The following ALG1L2 variants were observed in gnomAD, a reference collection of about 807,000 sequenced individuals.
ALG1L2 encodes the protein putative glycosyltransferase ALG1L2.
A neutral mutation model predicts 29.0 loss-of-function variants in ALG1L2; 32 were observed. The ratio of observed to expected loss-of-function variants is 1.10; its 90% confidence interval spans 0.83 to 1.48. The LOEUF (loss-of-function observed/expected upper bound fraction) is 1.48, where lower values mean the gene tolerates loss of function less well. Among genes scored for constraint, ALG1L2 ranks in the 40% most tolerant of loss-of-function variants. The probability of loss-of-function intolerance (pLI) is 0.00; values close to 1 mark genes in which losing one functional copy is unlikely to be tolerated. For synonymous variants in ALG1L2, 110 were observed against 109.5 expected (o/e 1.00, Z -0.03); for missense variants, 318 against 274.1 (o/e 1.16, Z -1.13).
At chr3:130,097,104 C>A (rs1935156607) in intron 6 of ALG1L2, 71 bp from the exon 7 acceptor site, 6 of 1,587,520 alleles carry the variant, frequency 3.8e-6, no homozygotes, top group South Asian at 1.1e-5. Flanking sequence ...TGGGTGGGAG[C>A]CCAGCTGGGC....
At chr3:130,098,021 G>T (rs1438413134) in intron 7 of ALG1L2, among the ~76,000 whole-genome samples, 1 of 152,098 alleles carries the variant, frequency 6.6e-6, no homozygotes, top group Admixed American at 6.5e-5. Flanking sequence ...CACCAAGTGT[G>T]GGAAAGTGGG....
Position 130,094,621 on chromosome 3 carries a change from G to A in ALG1L2, c.424+108G>A, listed in dbSNP as rs1011823758. Reference sequence around the variant, plus strand: ...AAAGGTGGCTCTGGAGGCCACTTGGGGACAGGACCTGGGCTCTAGCTGAAC... The same window carrying A: ...AAAGGTGGCTCTGGAGGCCACTTGGAGACAGGACCTGGGCTCTAGCTGAAC... On this transcript the variant is annotated intron_variant, in intron 5 of 7. Transcript: ENST00000425059. 8.1e-6 allele frequency: 10 copies of A among 1,235,736 alleles called. No individual in the cohort carries two copies. In the Admixed American group the frequency reaches 2.2e-4, roughly 27 times the overall value. 76.5% of individuals were successfully genotyped at this position (1,235,736 alleles called of 1,614,324 possible). A position where few individuals can be genotyped will look rare whatever the true frequency, so the allele number is the denominator to read the frequency against.
rs149264298 is a variant in ALG1L2 at position 130,093,528 on chromosome 3, G to A, written c.313+368G>A. 0.012 allele frequency among the ~76,000 whole-genome samples: 1,876 copies of A among 150,324 alleles called. 130 individuals are homozygous for A. The East Asian group carries it at 0.19, about 15-fold the overall frequency. ...TGCAACCTCTGCCTCTCACATTCAAGCAATTCTCATGCCTCAGCCTCCAGA... is the reference window on the plus strand; with the variant it reads ...TGCAACCTCTGCCTCTCACATTCAAACAATTCTCATGCCTCAGCCTCCAGA... On this transcript the variant is annotated intron_variant, in intron 4 of 7. Coordinates refer to ENST00000425059, the MANE Select transcript of ALG1L2 (RefSeq NM_001136152.1).
At chr3:130,089,967 T>C (rs570604358) in intron 1 of ALG1L2, among the ~76,000 whole-genome samples, 68 of 152,408 alleles carry the variant, frequency 4.5e-4, no homozygotes, top group Non-Finnish European at 7.6e-4. Flanking sequence ...GCTTGATTCC[T>C]GGAGGCAGAA....
intron 4 of ALG1L2, 148 bp downstream of exon 4, chr3:130,093,308 G>C: frequency 1.1e-6 from 1 of 895,308 alleles, no homozygotes; most frequent in East Asian, 2.7e-5. Context: ...CTTGACATGC[G>C]GGAAACTGAG....
intron 3 of ALG1L2, among the ~76,000 whole-genome samples, chr3:130,092,763 G>C (rs1211773983): frequency 2.0e-5 from 3 of 152,164 alleles, no homozygotes; most frequent in Non-Finnish European, 4.4e-5. Flanking sequence ...GGGCATGGTG[G>C]CTCACACCTG....
chr3:130,087,438 C>T (rs1251298646), intron 1 of ALG1L2, among the ~76,000 whole-genome samples: 2 of 150,130 alleles, frequency 1.3e-5, no homozygotes, highest in Non-Finnish European at 3.0e-5. Flanking sequence ...AATGCATGAT[C>T]TGGGATGATC....
intron 4 of ALG1L2, 63 bp downstream of exon 4, chr3:130,093,223 G>A: frequency 3.9e-6 from 6 of 1,552,158 alleles, no homozygotes; most frequent in Non-Finnish European, 5.3e-6. Context: ...GGGGCACACA[G>A]CCTTTACCCT....
At chr3:130,091,721 G>T (rs1451132512) in intron 2 of ALG1L2, 19 of 560,252 alleles carry the variant, frequency 3.4e-5, no homozygotes, top group Non-Finnish European at 6.6e-6. Flanking sequence ...GGACCTGTGT[G>T]TCCCCTGGGG....
At chr3:130,091,849 G>A in intron 2 of ALG1L2, 1 of 722,902 alleles carries the variant, frequency 1.4e-6, no homozygotes, top group South Asian at 1.5e-5. Context: ...GGGTCCAGGG[G>A]ATGACAAGAC....
chr3:130,086,258 A>C (rs978462978), intron 1 of ALG1L2, among the ~76,000 whole-genome samples: 2 of 151,160 alleles, frequency 1.3e-5, no homozygotes, highest in Admixed American at 6.6e-5. Flanking sequence ...GGAAGCATCA[A>C]ATGGGTTCTG....
At chr3:130,095,969 G>T (rs995591076) in intron 5 of ALG1L2, 80 bp from the exon 6 acceptor site, 295 of 1,449,664 alleles carry the variant, frequency 2.0e-4, no homozygotes, top group Admixed American at 4.1e-4. Flanking sequence ...CCCTCGGGGG[G>T]TGTTGCCTCA....
In ALG1L2 at chr3:130,091,385, C is replaced by T. The variant is rs1935010767; in HGVS notation, c.131+14C>T. 1 of 1,593,974 alleles carries T rather than the reference C, an allele frequency of 6.3e-7. No individual in the cohort carries two copies. Among genetic ancestry groups the T allele is most frequent in the Non-Finnish European group, 8.5e-7 (1 of 1,177,878 alleles). ...GTTCAGGGCCCGGTAGGCCTCCCACCCTCAGCTGCCTTCTCTCCTGCTCGC... is the reference window on the plus strand; with the variant it reads ...GTTCAGGGCCCGGTAGGCCTCCCACTCTCAGCTGCCTTCTCTCCTGCTCGC... On this transcript the variant is annotated intron_variant, in intron 2 of 7. Coordinates refer to ENST00000425059, the MANE Select transcript of ALG1L2 (RefSeq NM_001136152.1).
intron 1 of ALG1L2, chr3:130,090,653 GT>G (rs1934995469): frequency 6.5e-6 from 1 of 152,716 alleles, no homozygotes; most frequent in South Asian, 2.1e-4. Flanking sequence ...ATTCTTTGAA[GT>G]AAAGCTCTCG....
At chr3:130,096,771 A>G (rs1005905974) in intron 6 of ALG1L2, among the ~76,000 whole-genome samples, 5 of 152,162 alleles carry the variant, frequency 3.3e-5, no homozygotes, top group Non-Finnish European at 5.9e-5. Context: ...CTCTCGTGTG[A>G]GCTGAGCTGA....
Position 130,094,362 on chromosome 3 carries a change from C to G in ALG1L2, c.314-41C>G, listed in dbSNP as rs149787173. The G allele has an allele frequency of 1.8e-3, 2,775 of 1,579,796 alleles. 36 individuals carry two copies. The African/African-American group carries it at 0.033, about 19-fold the overall frequency. On this transcript the variant is annotated intron_variant, in intron 4 of 7. Coordinates refer to ENST00000425059, the MANE Select transcript of ALG1L2 (RefSeq NM_001136152.1). Reference sequence around the variant, plus strand: ...TGGGCCTGGGGCTATGTGGCAGGGACAGAGACGGGTTCATGGCAGTGTCTG... The same window carrying G: ...TGGGCCTGGGGCTATGTGGCAGGGAGAGAGACGGGTTCATGGCAGTGTCTG...
At position 130,087,093 on chromosome 3, in the gene ALG1L2, G is replaced by C. The variant is rs1577325569; in HGVS notation, c.21-4168G>C. ...CATAAGATGACCGGTTAACCAGAGCGAGTATGGCTGATGATGGCTTCTGCA... is the reference window on the plus strand; with the variant it reads ...CATAAGATGACCGGTTAACCAGAGCCAGTATGGCTGATGATGGCTTCTGCA... On this transcript the variant is annotated intron_variant, in intron 1 of 7. Transcript: ENST00000425059. Among the ~76,000 whole-genome samples, 4 of 148,418 alleles carry C rather than the reference G, an allele frequency of 2.7e-5. No individual in the cohort carries two copies. In the South Asian group the frequency reaches 8.6e-4, roughly 32 times the overall value.
At chr3:130,090,121 C>T (rs1398911521) in intron 1 of ALG1L2, among the ~76,000 whole-genome samples, 4 of 152,252 alleles carry the variant, frequency 2.6e-5, no homozygotes, top group African/African-American at 4.8e-5. Context: ...TTTGGGCGGC[C>T]GAGGCAGGAG....
intron 7 of ALG1L2, among the ~76,000 whole-genome samples, chr3:130,097,817 T>C (rs1437043901): frequency 6.6e-6 from 1 of 152,190 alleles, no homozygotes; most frequent in African/African-American, 2.4e-5. Context: ...AAAGCTTTAT[T>C]TACAAACACA....
Sources: allele counts gnomAD v4.1 joint callset (sites outside exome capture counted in the v4.1 genomes callset), GRCh38; gene constraint gnomAD v4.1.1; transcripts MANE v1.5; gene names NCBI Gene and HGNC (gene_info 2026-07-23, HGNC 2026-07-21).